Variants in NCR3LG1 observed in about 807,000 individuals in gnomAD.
NCR3LG1 encodes natural cytotoxicity triggering receptor 3 ligand 1.
Under a neutral mutation model 34.8 loss-of-function variants are expected in NCR3LG1, and 35 were observed. The observed-to-expected ratio is 1.01, with a 90% CI of 0.77 to 1.33. The LOEUF is 1.33. Among genes scored for constraint, NCR3LG1 ranks in the 40% most tolerant of loss-of-function variants. The probability of loss-of-function intolerance (pLI) is 0.00; values close to 1 mark genes in which losing one functional copy is unlikely to be tolerated. For missense variants in NCR3LG1, 452 were observed against 423.3 expected, an observed-to-expected ratio of 1.07 and a Z score of -0.60; for synonymous variants, 173 against 163.6, an observed-to-expected ratio of 1.06 and a Z score of -0.44.
At chr11:17,362,696 CTTT>C (rs1564856399) in intron 2 of NCR3LG1, among the ~76,000 whole-genome samples, 273 of 5,894 alleles carry the variant, frequency 0.046, no homozygotes, top group East Asian at 0.056. Flanking sequence ...TCCTTCCTTT[CTTT>C]CTTTCTTTCT....
intron 2 of NCR3LG1, among the ~76,000 whole-genome samples, chr11:17,363,522 C>CCTTCCTTCCTTCCTT: frequency 1.6e-5 from 1 of 61,054 alleles, no homozygotes; most frequent in African/African-American, 8.5e-5. Flanking sequence ...CTCCCTCCCT[C>CCTTCCTTCCTTCCTT]CCTCCCTCCC....
chr11:17,380,106 G>A (rs747589360), downstream of NCR3LG1, among the ~76,000 whole-genome samples: 2 of 152,164 alleles, frequency 1.3e-5, no homozygotes, highest in African/African-American at 2.4e-5. Flanking sequence ...CGGGGATCTG[G>A]GGTGGCCAAG....
In NCR3LG1 at chr11:17,362,673, CTCCT is replaced by C. The variant is rs145031864; in HGVS notation, c.422-4318_422-4315del. 6.1e-4 allele frequency among the ~76,000 whole-genome samples: 39 copies of C among 63,848 alleles called. 2 individuals carry two copies. Among genetic ancestry groups the C allele is most frequent in the East Asian group, 2.0e-3 (4 of 2,016 alleles). 41.9% of individuals were successfully genotyped at this position (63,848 alleles called of 152,430 possible). On this transcript the variant is annotated intron_variant, in intron 2 of 4. Transcript: ENST00000338965. Reference sequence around the variant, plus strand: ...TTTTTACTAGTTATTGACTCAGTGTCTCCTTCCTTCCTTCCTTCCTTTCTTTCTT... The same window carrying C: ...TTTTTACTAGTTATTGACTCAGTGTCTCCTTCCTTCCTTCCTTTCTTTCTT...
intron 2 of NCR3LG1, 27 bp from the exon 3 acceptor site, chr11:17,366,982 C>A: frequency 6.6e-7 from 1 of 1,509,326 alleles, no homozygotes; most frequent in Non-Finnish European, 8.9e-7. Flanking sequence ...CTGGGCCCAA[C>A]TCTGTATGAT....
At chr11:17,357,661 G>GT (rs1256391692) in intron 2 of NCR3LG1, among the ~76,000 whole-genome samples, 1 of 3,128 alleles carries the variant, frequency 3.2e-4, no homozygotes, top group Admixed American at 4.7e-3. Context: ...CCAACTGACA[G>GT]TGGCCGTATA....
rs2133357809 is a variant in NCR3LG1 at position 17,367,081 on chromosome 11, C to T, written c.494C>T (p.Ser165Leu). The change falls in exon 3 of 5, where the codon TCA (serine) becomes TTA (leucine). Residue 165 changes from serine (S) to leucine (L), a missense_variant. By Grantham distance (145) the Ser-to-Leu change is moderately radical. Transcript: ENST00000338965. ...KENEDKYMCE[S>L]SGFYPEAINI... ...AATGAAGACAAATATATGTGTGAGTCAAGTGGGTTCTACCCAGAGGCTATT... is the reference window on the plus strand; with the variant it reads ...AATGAAGACAAATATATGTGTGAGTTAAGTGGGTTCTACCCAGAGGCTATT... 6.5e-7 allele frequency: 1 copy of T among 1,536,126 alleles called. No homozygotes were observed.
At position 17,376,758 on chromosome 11, in the gene NCR3LG1, G is replaced by A. The variant is rs1405333356; in HGVS notation, c.*4246G>A. Reference sequence around the variant, plus strand: ...CGGGTAATAGCAAATGCCTCCTCCTGTTTTAAAAGCAGAGGAAAAGGACCA... The same window carrying A: ...CGGGTAATAGCAAATGCCTCCTCCTATTTTAAAAGCAGAGGAAAAGGACCA... On this transcript the variant is annotated 3_prime_UTR_variant, in exon 5 of 5. Transcript: ENST00000338965. The A allele has an allele frequency of 2.0e-5, 3 of 152,158 alleles. No homozygotes were observed. The highest frequency in any genetic ancestry group is 4.4e-5 in the Non-Finnish European group (3 of 68,026). 9.4% of individuals were successfully genotyped at this position (152,158 alleles called of 1,614,324 possible).
intron 2 of NCR3LG1, among the ~76,000 whole-genome samples, chr11:17,362,696 CT>C (rs1392425939): frequency 0.051 from 310 of 6,044 alleles, 40 homozygotes; most frequent in South Asian, 0.38. Flanking sequence ...TCCTTCCTTT[CT>C]TTCTTTCTTT....
chr11:17,362,024 A>G (rs898248059), intron 2 of NCR3LG1, among the ~76,000 whole-genome samples: 69 of 152,198 alleles, frequency 4.5e-4, no homozygotes, highest in African/African-American at 1.5e-3. Flanking sequence ...TTCCATTACA[A>G]TGTTGCACAG....
chr11:17,368,819 G>T, intron 3 of NCR3LG1, 48 bp from the exon 4 acceptor site: 1 of 1,275,788 alleles, frequency 7.8e-7, no homozygotes, highest in Non-Finnish European at 1.1e-6. Flanking sequence ...GGTTTCTCTG[G>T]CCCTTGCCAG....
chr11:17,367,975 C>T (rs1052347672), intron 3 of NCR3LG1, among the ~76,000 whole-genome samples: 6 of 152,068 alleles, frequency 3.9e-5, no homozygotes, highest in South Asian at 4.2e-4. Flanking sequence ...TGCACCACCA[C>T]GCACGGCTGA....
intron 1 of NCR3LG1, among the ~76,000 whole-genome samples, chr11:17,355,114 A>G (rs1353196039): frequency 1.3e-5 from 2 of 152,242 alleles, no homozygotes; most frequent in African/African-American, 4.8e-5. Flanking sequence ...AATGGAAAAC[A>G]TCTAGCCAGT....
In NCR3LG1 at chr11:17,351,987, C is replaced by G. The variant is rs1477610112; in HGVS notation, c.18C>G (p.Ala6=). 1 of 1,525,192 alleles carries G rather than the reference C, an allele frequency of 6.6e-7. No homozygotes were observed. Among genetic ancestry groups the G allele is most frequent in the African/African-American group, 1.4e-5 (1 of 71,638 alleles). 94.5% of individuals were successfully genotyped at this position (1,525,192 alleles called of 1,614,324 possible). A position where few individuals can be genotyped will look rare whatever the true frequency, so the allele number is the denominator to read the frequency against. ...CCGCGGCGATGACGTGGAGGGCTGC[C>G]GCCTCCACGTGCGCGGCGCTCCTGA... The part of the protein sequence containing the change: MTWRA[A]ASTCAALLIL... Residue 6 remains alanine, a synonymous_variant, in exon 1 of 5, where the codon GCC becomes GCG. Coordinates refer to ENST00000338965, the MANE Select transcript of NCR3LG1 (RefSeq NM_001202439.3).
At chr11:17,367,490 G>C in intron 3 of NCR3LG1, 143 bp downstream of exon 3, 1 of 722,134 alleles carries the variant, frequency 1.4e-6, no homozygotes, top group Non-Finnish European at 2.2e-6. Flanking sequence ...GCTGGAGTCT[G>C]GCCTAGCTCA....
chr11:17,361,581 G>A (rs1331429051), intron 2 of NCR3LG1, among the ~76,000 whole-genome samples: 1 of 150,722 alleles, frequency 6.6e-6, no homozygotes, highest in Non-Finnish European at 1.5e-5. Flanking sequence ...CACCACACCT[G>A]GCCAATGGTA....
Position 17,356,739 on chromosome 11 carries a change from C to G in NCR3LG1, c.159C>G (p.Ser53=). Residue 53 remains serine (S), a synonymous_variant, in exon 2 of 5, where the codon TCC becomes TCG. Coordinates refer to ENST00000338965, the MANE Select transcript of NCR3LG1 (RefSeq NM_001202439.3). ...NVTIFCNIFY[S]QPLNITSMGI... ...CCATATTCTGCAATATCTTTTATTC[C>G]CAACCCCTCAACATCACGTCTATGG... The G allele has an allele frequency of 2.0e-6, 3 of 1,536,408 alleles. No homozygotes were observed. The highest frequency in any genetic ancestry group is 1.7e-6 in the Non-Finnish European group (2 of 1,146,964).
rs1953483520 is a variant in NCR3LG1 at position 17,377,032 on chromosome 11, T to G, written c.*4520T>G. 1 of 152,128 alleles carries G rather than the reference T, an allele frequency of 6.6e-6. No homozygotes were observed. Among genetic ancestry groups the G allele is most frequent in the South Asian group, 2.1e-4 (1 of 4,824 alleles). The allele number at this position is 152,128 out of a possible 1,614,324, so 9.4% of individuals were successfully genotyped here. Reference sequence around the variant, plus strand: ...AGGCCTTCCCAGACATGCACCCTCATGGGATTCCAGACCCCCTGTATGATG... The same window carrying G: ...AGGCCTTCCCAGACATGCACCCTCAGGGGATTCCAGACCCCCTGTATGATG... On this transcript the variant is annotated 3_prime_UTR_variant, in exon 5 of 5. Coordinates refer to ENST00000338965, the MANE Select transcript of NCR3LG1 (RefSeq NM_001202439.3).
intron 3 of NCR3LG1, among the ~76,000 whole-genome samples, chr11:17,368,270 T>A (rs1953369070): frequency 6.6e-6 from 1 of 152,130 alleles, no homozygotes; most frequent in South Asian, 2.1e-4. Flanking sequence ...CTTTTTGAGC[T>A]CATATGCCTT....
chr11:17,362,257 T>G (rs542664010), intron 2 of NCR3LG1, among the ~76,000 whole-genome samples: 7 of 152,324 alleles, frequency 4.6e-5, no homozygotes, highest in Non-Finnish European at 8.8e-5. Flanking sequence ...CCTGTTGATA[T>G]GATGACTTAC....
Sources: gnomAD v4.1 joint callset for allele counts (sites outside exome capture counted in the v4.1 genomes callset) on GRCh38, gnomAD v4.1.1 for gene constraint, MANE v1.5 for transcripts, NCBI Gene and HGNC (gene_info 2026-07-23, HGNC 2026-07-21) for gene names.